MMRN1: variants seen among roughly 807,000 people sequenced by gnomAD.
The protein encoded by MMRN1 is multimerin 1.
MMRN1 carries 94 observed loss-of-function variants against 100.7 expected under a neutral mutation model. The observed-to-expected ratio is 0.93, with a 90% CI of 0.79 to 1.11. The LOEUF (loss-of-function observed/expected upper bound fraction) is 1.11, where lower values mean the gene tolerates loss of function less well. Among genes scored for constraint, MMRN1 ranks in the 50% least tolerant of loss-of-function variants. MMRN1 has a pLI of 0.00. For missense variants in MMRN1, 1,606 were observed against 1,439.1 expected (o/e 1.12, Z -1.88); for synonymous variants, 575 against 505.0 (o/e 1.14, Z -1.86).
chr4:89,916,257 A>C (rs933224395), intron 3 of MMRN1, among the ~76,000 whole-genome samples: 15 of 151,634 alleles, frequency 9.9e-5, no homozygotes, highest in Non-Finnish European at 4.4e-5. Context: ...CATCCAATGA[A>C]TTCCGGAGCA....
At chr4:89,913,151 C>A (rs1202207372) in intron 3 of MMRN1, among the ~76,000 whole-genome samples, 1 of 151,148 alleles carries the variant, frequency 6.6e-6, no homozygotes, top group African/African-American at 2.4e-5. Flanking sequence ...ATGAAGTACA[C>A]AAATATATAC....
At chr4:89,883,006 C>G (rs1720854492) in intron 1 of MMRN1, among the ~76,000 whole-genome samples, 1 of 151,996 alleles carries the variant, frequency 6.6e-6, no homozygotes, top group Admixed American at 6.6e-5. Flanking sequence ...ATAAATATAA[C>G]TATAACATAA....
At chr4:89,909,159 A>T (rs1721660746) in intron 1 of MMRN1, 117 bp from the exon 2 acceptor site, 1 of 1,028,946 alleles carries the variant, frequency 9.7e-7, no homozygotes, top group South Asian at 1.8e-5. Context: ...TAGCAATCTT[A>T]CAAGGTTTCT....
intron 2 of MMRN1, among the ~76,000 whole-genome samples, chr4:89,910,473 G>T (rs1040550938): frequency 6.6e-6 from 1 of 151,148 alleles, no homozygotes; most frequent in African/African-American, 2.4e-5. Flanking sequence ...CTGAGTGGGT[G>T]CATTCATTCG....
chr4:89,926,776 A>G (rs1424899596), intron 4 of MMRN1, among the ~76,000 whole-genome samples: 1 of 152,166 alleles, frequency 6.6e-6, no homozygotes, highest in East Asian at 1.9e-4. Flanking sequence ...CTTAGACTTA[A>G]AGAGCTAATC....
Position 89,935,885 on chromosome 4 carries a change from A to G in MMRN1, c.2205A>G (p.Ile735Met). The G allele has an allele frequency of 6.2e-7, 1 of 1,609,916 alleles. No individual in the cohort carries two copies. Among genetic ancestry groups the G allele is most frequent in the Middle Eastern group, 1.7e-4 (1 of 6,032 alleles). The change falls in exon 6 of 8, where the codon ATA (isoleucine) becomes ATG (methionine). Residue 735 changes from isoleucine (I) to methionine (M), a missense_variant. Ile to Met is a conservative substitution (Grantham distance 10). Transcript: ENST00000264790. ...EDGLNKTMTI[I>M]NNAIDFIQDN... is the part of the protein sequence containing the mutation. Reference sequence around the variant, plus strand: ...GCCTCAATAAGACAATGACTATTATAAATAATGCTATTGATTTCATTCAAG... The same window carrying G: ...GCCTCAATAAGACAATGACTATTATGAATAATGCTATTGATTTCATTCAAG...
At position 89,951,671 on chromosome 4, in the gene MMRN1, G is replaced by C. The variant is rs776315168; in HGVS notation, c.3185G>C (p.Ser1062Thr). ...NGGTCINGRT[S>T]FTCACRHPFT... ...GGCACGTGCATAAATGGAAGAACTA[G>C]CTTTACCTGTGCCTGCAGACATCCT... Residue 1062 changes from serine (S) to threonine (T), a missense_variant, in exon 7 of 8, where the codon AGC becomes ACC. By Grantham distance (58) the Ser-to-Thr change is moderately conservative (BLOSUM62 1). Transcript: ENST00000264790. 1 of 1,592,338 alleles carries C rather than the reference G, an allele frequency of 6.3e-7. No homozygotes were observed. Among genetic ancestry groups the C allele is most frequent in the Non-Finnish European group, 8.5e-7 (1 of 1,172,746 alleles).
chr4:89,896,490 AT>A (rs1381899802), intron 1 of MMRN1, among the ~76,000 whole-genome samples: 1 of 152,158 alleles, frequency 6.6e-6, no homozygotes, highest in Non-Finnish European at 1.5e-5. Flanking sequence ...TCAATATTTT[AT>A]TCATTTAATG....
In MMRN1 at chr4:89,951,747, T is replaced by C. The variant is rs1408769212; in HGVS notation, c.3261T>C (p.Ala1087=). ...AGCTTGTGGAAGAAAATGCTTTAGC[T>C]CCAGGTAAAAAAAAAGTATACGCAT... The part of the protein sequence containing the change: ...TIKLVEENAL[A]PDFSKGSYRY... Residue 1087 remains alanine (A), a synonymous_variant, in exon 7 of 8, where the codon GCT becomes GCC. Transcript: ENST00000264790. The C allele has an allele frequency of 6.2e-7, 1 of 1,611,856 alleles. No individual in the cohort carries two copies. Among genetic ancestry groups the C allele is most frequent in the East Asian group, 2.2e-5 (1 of 44,690 alleles).
At position 89,934,911 on chromosome 4, in the gene MMRN1, A is replaced by C. The variant is rs1722554471; in HGVS notation, c.1231A>C (p.Lys411Gln). 1.2e-6 allele frequency: 2 copies of C among 1,613,212 alleles called. No individual in the cohort carries two copies. The highest frequency in any genetic ancestry group is 1.7e-6 in the Non-Finnish European group (2 of 1,179,488). ...DMQETVAQLFKTVSSLSEDLE... is the reference protein window; with the variant it reads ...DMQETVAQLFQTVSSLSEDLE... ...GCAAGAGACTGTAGCACAGCTCTTC[A>C]AGACTGTATCAAGTCTATCAGAGGA... Residue 411 changes from lysine (K) to glutamine (Q), a missense_variant, in exon 6 of 8, where the codon AAG (lysine) becomes CAG (glutamine). Physicochemically the swap from Lys to Gln is moderately conservative, Grantham distance 53. Transcript: ENST00000264790.
chr4:89,901,156 A>G (rs1424466425), intron 1 of MMRN1, among the ~76,000 whole-genome samples: 1 of 87,608 alleles, frequency 1.1e-5, no homozygotes, highest in Admixed American at 1.0e-4. Flanking sequence ...GCTTTTATGA[A>G]AAAAAAAAAA....
chr4:89,886,003 C>CT (rs1254751866), intron 1 of MMRN1, among the ~76,000 whole-genome samples: 4 of 149,196 alleles, frequency 2.7e-5, no homozygotes, highest in Non-Finnish European at 4.5e-5. Context: ...CTTTCTTCTT[C>CT]TTTTTTTATT....
intron 6 of MMRN1, among the ~76,000 whole-genome samples, chr4:89,948,500 A>G (rs576893043): frequency 1.3e-5 from 2 of 152,316 alleles, no homozygotes; most frequent in African/African-American, 4.8e-5. Flanking sequence ...AGATTTTAGA[A>G]AGCTTCAATA....
rs1451632351 is a variant in MMRN1 at position 89,936,058 on chromosome 4, A to G, written c.2378A>G (p.Asn793Ser). ...NDSIQTLVNDNQRYNFVLQVA... is the reference protein window; with the variant it reads ...NDSIQTLVNDSQRYNFVLQVA... ...TCTATTCAGACTTTGGTCAATGACA[A>G]TCAGAGATATAACTTTGTTTTGCAA... Residue 793 changes from asparagine to serine, a missense_variant, in exon 6 of 8, where the codon AAT becomes AGT. Transcript: ENST00000264790. 6.2e-7 allele frequency: 1 copy of G among 1,612,048 alleles called. No homozygotes were observed. The highest frequency in any genetic ancestry group is 8.5e-7 in the Non-Finnish European group (1 of 1,179,320).
At chr4:89,888,208 T>C (rs1442827605) in intron 1 of MMRN1, among the ~76,000 whole-genome samples, 8 of 152,058 alleles carry the variant, frequency 5.3e-5, no homozygotes, top group Non-Finnish European at 1.0e-4. Flanking sequence ...GTTTCTCTAG[T>C]ATATCTTATA....
chr4:89,900,230 A>T (rs1442131), intron 1 of MMRN1, among the ~76,000 whole-genome samples: 25 of 152,066 alleles, frequency 1.6e-4, no homozygotes, highest in Non-Finnish European at 3.2e-4. Flanking sequence ...TCAGAGATGT[A>T]TGTCTTAAAA....
intron 1 of MMRN1, among the ~76,000 whole-genome samples, chr4:89,886,508 T>G (rs900801972): frequency 6.6e-6 from 1 of 152,114 alleles, no homozygotes; most frequent in Non-Finnish European, 1.5e-5. Context: ...TTAAAAAGTA[T>G]GTGTTCTGTA....
chr4:89,935,986 T>C lies in MMRN1; in HGVS notation c.2306T>C (p.Met769Thr), dbSNP rs759056230. 1.1e-5 allele frequency: 17 copies of C among 1,613,146 alleles called. No individual in the cohort carries two copies. The highest frequency in any genetic ancestry group is 1.0e-4 in the Admixed American group (6 of 59,942). Reference protein sequence around the residue: ...SEIHHKCTSDMETILTFIPQF... With the variant: ...SEIHHKCTSDTETILTFIPQF... ...ATCCATCATAAATGTACCTCCGATA[T>C]GGAAACTATTTTGACATTTATTCCT... is the stretch of plus-strand genomic sequence containing the variant. Residue 769 changes from methionine to threonine, a missense_variant, in exon 6 of 8, where the codon ATG (methionine) becomes ACG (threonine). By Grantham distance (81) the Met-to-Thr change is moderately conservative. Transcript: ENST00000264790.
Position 89,936,169 on chromosome 4 carries a change from C to T in MMRN1, c.2489C>T (p.Thr830Ile), listed in dbSNP as rs138633719. The T allele has an allele frequency of 9.3e-5, 150 of 1,612,294 alleles. No individual in the cohort carries two copies. In the African/African-American group the frequency reaches 1.7e-3, roughly 18 times the overall value. ...AAGATGTATCAAATGTTCAATGAAA[C>T]CACTTCCCAAGTGAGAAAATACCAG... is the stretch of plus-strand genomic sequence containing the variant. ...FQKMYQMFNE[T>I]TSQVRKYQQN... is the part of the protein sequence containing the mutation. The change falls in exon 6 of 8, where the codon ACC (threonine) becomes ATC (isoleucine). Residue 830 changes from threonine to isoleucine, a missense_variant. Thr to Ile is a moderately conservative substitution (Grantham distance 89). Transcript: ENST00000264790.
Sources: gnomAD v4.1 joint callset for allele counts (sites outside exome capture counted in the v4.1 genomes callset) on GRCh38, gnomAD v4.1.1 for gene constraint, MANE v1.5 for transcripts, NCBI Gene and HGNC (gene_info 2026-07-23, HGNC 2026-07-21) for gene names.